The following CAMTA1 variants were observed in gnomAD, a reference collection of about 807,000 sequenced individuals.
CAMTA1 encodes calmodulin-binding transcription activator 1.
CAMTA1 carries 27 observed loss-of-function variants against 170.9 expected under a neutral mutation model. The ratio of observed to expected loss-of-function variants is 0.16; its 90% confidence interval spans 0.12 to 0.22. The LOEUF (loss-of-function observed/expected upper bound fraction) is 0.22, where lower values mean the gene tolerates loss of function less well. CAMTA1 is among the 10% of genes least tolerant of loss of function. The pLI is 1.00. For missense variants in CAMTA1, 1,619 were observed against 2,217.2 expected (o/e 0.73, Z 5.42); for synonymous variants, 833 against 891.5 (o/e 0.93, Z 1.17).
intron 1 of CAMTA1, among the ~76,000 whole-genome samples, chr1:6,803,920 C>A (rs558895284): frequency 1.3e-5 from 2 of 151,828 alleles, no homozygotes; most frequent in African/African-American, 4.8e-5. Flanking sequence ...TGGTGGCTCA[C>A]GCCTGTAATC....
chr1:6,974,688 G>A (rs552177230), intron 3 of CAMTA1, among the ~76,000 whole-genome samples: 1 of 152,332 alleles, frequency 6.6e-6, no homozygotes, highest in South Asian at 2.1e-4. Flanking sequence ...AAGACAGTCT[G>A]TGCATCCAGA....
rs1302956648 is a variant in CAMTA1 at position 7,534,694 on chromosome 1, CG to C, written c.510+66797del. Among the ~76,000 whole-genome samples, 1 of 152,076 alleles carries C rather than the reference CG, an allele frequency of 6.6e-6. No homozygotes were observed. Among genetic ancestry groups the C allele is most frequent in the African/African-American group, 2.4e-5 (1 of 41,412 alleles). On this transcript the variant is annotated intron_variant, in intron 6 of 22. Transcript: ENST00000303635. This position sits in a 1 kb window ranked among gnomAD's most constrained non-coding sequence, Gnocchi z 5.6. ...GGGCCGAGGGGAGCTGAGGCCACGG[CG>C]GGGACTCCTCACTCCTCCTTCCTAA...
At chr1:7,252,451 G>T (rs1401961436) in intron 5 of CAMTA1, among the ~76,000 whole-genome samples, 1 of 152,222 alleles carries the variant, frequency 6.6e-6, no homozygotes, top group African/African-American at 2.4e-5. Flanking sequence ...CATCTCACCA[G>T]CATTTCTGCT....
intron 3 of CAMTA1, among the ~76,000 whole-genome samples, chr1:6,907,378 C>T (rs768457877): frequency 6.6e-6 from 1 of 152,156 alleles, no homozygotes; most frequent in Non-Finnish European, 1.5e-5. Context: ...CCCTCCTGCC[C>T]TCCCCCCGCT....
At chr1:6,818,801 T>G (rs1646137945) in intron 1 of CAMTA1, among the ~76,000 whole-genome samples, 1 of 152,070 alleles carries the variant, frequency 6.6e-6, no homozygotes. Flanking sequence ...CCACCATGCC[T>G]GGCTAATTTT....
rs954076172 is a variant in CAMTA1, at chr1:7,665,877, G to A, written c.2652+678G>A. Among the ~76,000 whole-genome samples the A allele has an allele frequency of 6.6e-6, 1 of 151,906 alleles. No individual in the cohort carries two copies. Among genetic ancestry groups the A allele is most frequent in the African/African-American group, 2.4e-5 (1 of 41,354 alleles). ...CAGGGTTGCTTAAAAAAATTCAAAA[G>A]TCACCATTGGCCGGGCTCAGTGGCT... is the stretch of plus-strand genomic sequence containing the variant. On this transcript the variant is annotated intron_variant, in intron 9 of 22. Coordinates refer to ENST00000303635, the MANE Select transcript of CAMTA1 (RefSeq NM_015215.4). The surrounding 1 kb of genome is among the most constrained non-coding windows in gnomAD (Gnocchi z 4.3).
At chr1:7,220,165 G>A (rs1044751085) in intron 4 of CAMTA1, among the ~76,000 whole-genome samples, 3 of 152,156 alleles carry the variant, frequency 2.0e-5, no homozygotes, top group Non-Finnish European at 4.4e-5. Context: ...CAGATTCAGC[G>A]CTGCGTGGCT....
chr1:7,049,945 G>A (rs564734056), intron 3 of CAMTA1, among the ~76,000 whole-genome samples: 3 of 152,336 alleles, frequency 2.0e-5, no homozygotes, highest in African/African-American at 7.2e-5. Flanking sequence ...GGGATCCTCA[G>A]TGAGGAGTAA....
chr1:7,393,368 C>T (rs7540594), intron 5 of CAMTA1, among the ~76,000 whole-genome samples: 3,938 of 152,194 alleles, frequency 0.026, 183 homozygotes, highest in African/African-American at 0.088. Context: ...TGGGCTCAAG[C>T]AATCCTCTAG....
chr1:7,055,137 T>C (rs1433506647), intron 3 of CAMTA1, among the ~76,000 whole-genome samples: 1 of 152,078 alleles, frequency 6.6e-6, no homozygotes, highest in Admixed American at 6.5e-5. Context: ...AGACCCCACC[T>C]CTAACACCAG....
At chr1:6,792,246 A>G (rs6669954) in intron 1 of CAMTA1, among the ~76,000 whole-genome samples, 2,312 of 151,950 alleles carry the variant, frequency 0.015, 51 homozygotes, top group African/African-American at 0.053. Flanking sequence ...GCATGAGCCA[A>G]TGTGCCTGGC....
Position 7,682,015 on chromosome 1 carries a change from G to A in CAMTA1, c.2914+4282G>A, listed in dbSNP as rs760757321. ...CACCCCCACCTGCCGGCCCTTCTTG[G>A]AACCCCACTAAGCCGCTTAGACTTA... is the stretch of plus-strand genomic sequence containing the variant. On this transcript the variant is annotated intron_variant, in intron 11 of 22. Transcript: ENST00000303635. The surrounding 1 kb of genome is among the most constrained non-coding windows in gnomAD (Gnocchi z 5.0). Among the ~76,000 whole-genome samples, 1 of 151,750 alleles carries A rather than the reference G, an allele frequency of 6.6e-6. No homozygotes were observed. Among genetic ancestry groups the A allele is most frequent in the Non-Finnish European group, 1.5e-5 (1 of 67,966 alleles).
At position 7,598,579 on chromosome 1, in the gene CAMTA1, A is replaced by T. The variant is rs1247016537; in HGVS notation, c.511-41821A>T. On this transcript the variant is annotated intron_variant, in intron 6 of 22. Coordinates refer to ENST00000303635, the MANE Select transcript of CAMTA1 (RefSeq NM_015215.4). ...AGTGTAAAAGTGTTCCTATTTCTCCACATCCTCTCCAGCACCTGTTGTTTC... is the reference window on the plus strand; with the variant it reads ...AGTGTAAAAGTGTTCCTATTTCTCCTCATCCTCTCCAGCACCTGTTGTTTC... Among the ~76,000 whole-genome samples, 6 of 152,320 alleles carry T rather than the reference A, an allele frequency of 3.9e-5. No individual in the cohort carries two copies. In the East Asian group the frequency reaches 1.2e-3, roughly 29 times the overall value.
chr1:6,973,473 T>C (rs536189526), intron 3 of CAMTA1, among the ~76,000 whole-genome samples: 38 of 152,360 alleles, frequency 2.5e-4, no homozygotes, highest in African/African-American at 9.1e-4. Context: ...TTTTGAAGGC[T>C]GAATAATATT....
chr1:6,985,019 T>C (rs1695122184), intron 3 of CAMTA1, among the ~76,000 whole-genome samples: 1 of 152,250 alleles, frequency 6.6e-6, no homozygotes, highest in South Asian at 2.1e-4. Context: ...CTTCCAGTTT[T>C]GGCTGAAGTT....
chr1:6,947,369 T>A (rs1557870729), intron 3 of CAMTA1, among the ~76,000 whole-genome samples: 1 of 151,944 alleles, frequency 6.6e-6, no homozygotes, highest in Non-Finnish European at 1.5e-5. Flanking sequence ...TTATTTCCAT[T>A]GTCTTTAATT....
Position 7,671,161 on chromosome 1 carries a change from G to T in CAMTA1, c.2779+124G>T, listed in dbSNP as rs577409313. 3.7e-6 allele frequency: 4 copies of T among 1,089,264 alleles called. No individual in the cohort carries two copies. The East Asian group carries it at 9.6e-5, about 26-fold the overall frequency. 67.5% of individuals were successfully genotyped at this position (1,089,264 alleles called of 1,614,324 possible). On this transcript the variant is annotated intron_variant, in intron 10 of 22. Coordinates refer to ENST00000303635, the MANE Select transcript of CAMTA1 (RefSeq NM_015215.4). Reference sequence around the variant, plus strand: ...CTTACTCTAGGCCTCAGTTTCCTCGGCTGTGAAGAAGCGGATCCCCGATAG... The same window carrying T: ...CTTACTCTAGGCCTCAGTTTCCTCGTCTGTGAAGAAGCGGATCCCCGATAG...
At chr1:7,145,736 G>A (rs981647049) in intron 4 of CAMTA1, among the ~76,000 whole-genome samples, 1 of 152,226 alleles carries the variant, frequency 6.6e-6, no homozygotes, top group African/African-American at 2.4e-5. Flanking sequence ...GGGCCGGGAC[G>A]ATTGCAGTCA....
intron 4 of CAMTA1, among the ~76,000 whole-genome samples, chr1:7,129,518 G>A (rs552475756): frequency 1.3e-5 from 2 of 152,274 alleles, no homozygotes; most frequent in East Asian, 1.9e-4. Context: ...GAAGTTCTGC[G>A]CTGGAATCTT....
Sources: allele counts gnomAD v4.1 joint callset (sites outside exome capture counted in the v4.1 genomes callset), GRCh38; gene constraint gnomAD v4.1.1; non-coding constraint Gnocchi (gnomAD v3.1); transcripts MANE v1.5; gene names NCBI Gene and HGNC (gene_info 2026-07-23, HGNC 2026-07-21).